Variants in NUBPL observed in about 807,000 individuals in gnomAD.
The protein encoded by NUBPL is NUBP iron-sulfur cluster assembly factor, mitochondrial.
In NUBPL, 31 loss-of-function variants were observed where a neutral mutation model predicts 45.7. The observed-to-expected ratio is 0.68, with a 90% CI of 0.51 to 0.92. NUBPL has a LOEUF of 0.92. Among genes scored for constraint, NUBPL ranks in the 40% least tolerant of loss-of-function variants. The pLI, the probability that NUBPL is intolerant of heterozygous loss-of-function variation, is 0.00. For missense variants in NUBPL, 401 were observed against 398.7 expected, an observed-to-expected ratio of 1.01 and a Z score of -0.05; for synonymous variants, 144 against 140.9, an observed-to-expected ratio of 1.02 and a Z score of -0.15.
chr14:31,642,199 A>G (rs570594390), intron 4 of NUBPL, among the ~76,000 whole-genome samples: 3 of 152,012 alleles, frequency 2.0e-5, no homozygotes, highest in Admixed American at 1.3e-4. Flanking sequence ...GATCCCATTC[A>G]TTTGTTTTTG....
At chr14:31,615,484 TC>T (rs1345196739) in intron 4 of NUBPL, among the ~76,000 whole-genome samples, 17 of 152,042 alleles carry the variant, frequency 1.1e-4, no homozygotes, top group Non-Finnish European at 1.5e-5. Flanking sequence ...TGTGTGATGT[TC>T]CCCTCCCTGT....
At chr14:31,815,231 G>A (rs1294896936) in intron 7 of NUBPL, among the ~76,000 whole-genome samples, 2 of 151,946 alleles carry the variant, frequency 1.3e-5, no homozygotes, top group African/African-American at 2.4e-5. Context: ...GCGGTTTGTA[G>A]TTCTCCTTGA....
chr14:31,813,402 C>T lies in NUBPL; in HGVS notation c.608-13227C>T, dbSNP rs539738112. 1.3e-4 allele frequency among the ~76,000 whole-genome samples: 19 copies of T among 151,592 alleles called. No homozygotes were observed. The South Asian group carries it at 4.0e-3, about 32-fold the overall frequency. On this transcript the variant is annotated intron_variant, in intron 7 of 10. Transcript: ENST00000281081. The stretch of plus-strand genomic sequence containing the variant: ...TGTCACTAAACAGCAGATATGTATC[C>T]AGATTTCTTTGGCGAACTTGTATTC...
intron 8 of NUBPL, among the ~76,000 whole-genome samples, chr14:31,827,361 A>AG (rs1334912686): frequency 1.3e-5 from 2 of 151,900 alleles, no homozygotes; most frequent in East Asian, 3.8e-4. Context: ...AAAAAAAAAA[A>AG]AAAACTGGAT....
intron 6 of NUBPL, chr14:31,686,717 T>C (rs1187190130): frequency 6.6e-6 from 1 of 152,268 alleles, no homozygotes; most frequent in Non-Finnish European, 1.5e-5. Context: ...TTCACAAATT[T>C]ATGTGTCATC....
At chr14:31,621,035 G>T (rs892237406) in intron 4 of NUBPL, among the ~76,000 whole-genome samples, 4 of 152,146 alleles carry the variant, frequency 2.6e-5, no homozygotes, top group African/African-American at 9.7e-5. Flanking sequence ...GCTGAGCTGC[G>T]GTGGGCTCCA....
At chr14:31,846,253 C>G (rs551595111) in intron 8 of NUBPL, 21 of 504,024 alleles carry the variant, frequency 4.2e-5, no homozygotes, top group African/African-American at 3.6e-4. Flanking sequence ...TCATTCATCT[C>G]TTTTTAGCAT....
chr14:31,716,749 A>G (rs2037697326), intron 6 of NUBPL, among the ~76,000 whole-genome samples: 1 of 152,194 alleles, frequency 6.6e-6, no homozygotes, highest in Non-Finnish European at 1.5e-5. Context: ...CCCAAAGTCC[A>G]GATTAGAATT....
intron 4 of NUBPL, among the ~76,000 whole-genome samples, chr14:31,650,447 A>T (rs543340210): frequency 2.0e-4 from 30 of 151,630 alleles, no homozygotes; most frequent in Non-Finnish European, 3.5e-4. Context: ...CCGCCACCAC[A>T]CCCGGCTAAT....
chr14:31,703,941 TATG>T (rs2037391745), intron 6 of NUBPL, among the ~76,000 whole-genome samples: 1 of 152,190 alleles, frequency 6.6e-6, no homozygotes, highest in South Asian at 2.1e-4. Flanking sequence ...AGAGAAGCAG[TATG>T]ATAATTGTCC....
At position 31,665,673 on chromosome 14, in the gene NUBPL, G is replaced by A. The variant is rs914729464; in HGVS notation, c.383-7682G>A. Among the ~76,000 whole-genome samples the A allele has an allele frequency of 2.6e-5, 4 of 152,326 alleles. 1 individual carries two copies. The Middle Eastern group carries it at 0.01, about 389-fold the overall frequency. On this transcript the variant is annotated intron_variant, in intron 4 of 10. Transcript: ENST00000281081. ...AATTATGTGGTCAGTTTTAGAATAA[G>A]TGTGATGTGGTGCTAAGAAGAATGT...
chr14:31,705,679 GC>G (rs2037434267), intron 6 of NUBPL, among the ~76,000 whole-genome samples: 1 of 152,074 alleles, frequency 6.6e-6, no homozygotes, highest in Admixed American at 6.5e-5. Context: ...CAAACCTCTA[GC>G]TAGACACAGA....
Position 31,696,625 on chromosome 14 carries a change from G to A in NUBPL, c.513+23051G>A, listed in dbSNP as rs78445870. On this transcript the variant is annotated intron_variant, in intron 6 of 10. Transcript: ENST00000281081. ...TCAACCCATTTGTAGACTAACTCAG[G>A]CTCTGAAAATGATTGAAGCTGTGGG... 4.3e-3 allele frequency among the ~76,000 whole-genome samples: 656 copies of A among 152,222 alleles called. 5 individuals carry two copies. Among genetic ancestry groups the A allele is most frequent in the Non-Finnish European group, 6.6e-3 (450 of 68,008 alleles).
intron 6 of NUBPL, among the ~76,000 whole-genome samples, chr14:31,711,027 AAG>A (rs1038157493): frequency 1.2e-4 from 18 of 152,310 alleles, no homozygotes; most frequent in African/African-American, 4.3e-4. Context: ...AACCTCGGAG[AAG>A]AGAGGTGAGG....
In NUBPL at chr14:31,742,434, C is replaced by T. The variant is rs574879272; in HGVS notation, c.514-45346C>T. ...AAGATGCAGATTCTGATTCAGCAGG[C>T]CCGAAGTGGGGTCTTAGATTTTGTA... On this transcript the variant is annotated intron_variant, in intron 6 of 10. Transcript: ENST00000281081. Among the ~76,000 whole-genome samples the T allele has an allele frequency of 7.2e-5, 11 of 152,180 alleles. No individual in the cohort carries two copies. In the East Asian group the frequency reaches 2.1e-3, roughly 29 times the overall value.
chr14:31,666,250 TATATATATATA>T (rs2036414635), intron 4 of NUBPL, among the ~76,000 whole-genome samples: 1 of 95,972 alleles, frequency 1.0e-5, no homozygotes, highest in African/African-American at 4.6e-5. Flanking sequence ...TATATATATA[TATATATATATA>T]TAATTTTATT....
chr14:31,622,572 A>G (rs1432255068), intron 4 of NUBPL, among the ~76,000 whole-genome samples: 1 of 152,206 alleles, frequency 6.6e-6, no homozygotes, highest in Non-Finnish European at 1.5e-5. Context: ...GCCTTGGGAC[A>G]TGGCACCCTA....
At chr14:31,583,069 G>A (rs181873671) in intron 3 of NUBPL, among the ~76,000 whole-genome samples, 132 of 152,212 alleles carry the variant, frequency 8.7e-4, no homozygotes, top group African/African-American at 3.0e-3. Context: ...CATATTTGCC[G>A]TGGAAATGAT....
chr14:31,605,780 C>G (rs1300102782), intron 4 of NUBPL, among the ~76,000 whole-genome samples: 1 of 150,684 alleles, frequency 6.6e-6, no homozygotes, highest in Non-Finnish European at 1.5e-5. Context: ...CCTTCTTCTT[C>G]TTCTTTTCCT....
Sources: allele counts gnomAD v4.1 joint callset (sites outside exome capture counted in the v4.1 genomes callset), GRCh38; gene constraint gnomAD v4.1.1; transcripts MANE v1.5; gene names NCBI Gene and HGNC (gene_info 2026-07-23, HGNC 2026-07-21).